The following MTMR7 variants were observed in gnomAD, a reference collection of about 807,000 sequenced individuals.
The protein encoded by MTMR7 is myotubularin related protein 7.
In MTMR7, 76 loss-of-function variants were observed where a neutral mutation model predicts 81.2. That is an observed-to-expected ratio of 0.94 (90% CI 0.78 to 1.13). The LOEUF (loss-of-function observed/expected upper bound fraction) is 1.13, where lower values mean the gene tolerates loss of function less well. Ranked by LOEUF, MTMR7 falls within the 50% of genes most tolerant of loss-of-function variation. The pLI, the probability that MTMR7 is intolerant of heterozygous loss-of-function variation, is 0.00. For missense variants in MTMR7, 1,044 were observed against 820.0 expected, an observed-to-expected ratio of 1.27 and a Z score of -3.34; for synonymous variants, 372 against 289.8, an observed-to-expected ratio of 1.28 and a Z score of -2.88.
chr8:17,344,115 A>G (rs771701502), intron 5 of MTMR7, among the ~76,000 whole-genome samples: 6 of 152,244 alleles, frequency 3.9e-5, no homozygotes, highest in African/African-American at 1.4e-4. Context: ...ATCATATACA[A>G]TAAGACCTAT....
Position 17,398,144 on chromosome 8 carries a change from A to C in MTMR7, c.24+15125T>G, listed in dbSNP as rs539135952. On this transcript the variant is annotated intron_variant, in intron 1 of 13. Coordinates refer to ENST00000180173, the MANE Select transcript of MTMR7 (RefSeq NM_004686.5). ...CTAACTCTTCAATGCCCAGGTACCAACAAACATCCACAAGCATCAAGACCA... is the reference window on the plus strand; with the variant it reads ...CTAACTCTTCAATGCCCAGGTACCACCAAACATCCACAAGCATCAAGACCA... Among the ~76,000 whole-genome samples the C allele has an allele frequency of 2.0e-5, 3 of 152,274 alleles. No individual in the cohort carries two copies. In the South Asian group the frequency reaches 6.2e-4, roughly 32 times the overall value.
At position 17,299,910 on chromosome 8, in the gene MTMR7, A is replaced by G. The variant is rs771535953; in HGVS notation, c.1935T>C (p.Asp645=). 1.8e-5 allele frequency: 29 copies of G among 1,613,984 alleles called. No individual in the cohort carries two copies. Among genetic ancestry groups the G allele is most frequent in the Non-Finnish European group, 2.2e-5 (26 of 1,180,004 alleles). ...PSGGEHAPSE[D]SGKDRDSDEA... ...CATCAGAATCCCGGTCCTTGCCACTATCTTCACTCGGTGCATGCTCACCAC... is the reference window on the plus strand; with the variant it reads ...CATCAGAATCCCGGTCCTTGCCACTGTCTTCACTCGGTGCATGCTCACCAC... Residue 645 remains aspartate, a synonymous_variant, in exon 14 of 14, where the codon GAT becomes GAC. Coordinates refer to ENST00000180173, the MANE Select transcript of MTMR7 (RefSeq NM_004686.5).
chr8:17,309,235 C>T (rs1482537091), intron 10 of MTMR7, 42 bp downstream of exon 10: 2 of 1,283,832 alleles, frequency 1.6e-6, no homozygotes, highest in African/African-American at 1.5e-5. Flanking sequence ...AGAAACAGTG[C>T]TTTTATTCTA....
chr8:17,376,669 C>T (rs540116837), intron 1 of MTMR7, among the ~76,000 whole-genome samples: 56 of 152,144 alleles, frequency 3.7e-4, no homozygotes, highest in Admixed American at 2.2e-3. Context: ...TTTGCACTTC[C>T]CTGATAGCTA....
chr8:17,321,026 T>C (rs1311802201), intron 7 of MTMR7, among the ~76,000 whole-genome samples: 1 of 152,166 alleles, frequency 6.6e-6, no homozygotes, highest in African/African-American at 2.4e-5. Flanking sequence ...GGCCAAACTT[T>C]CCAGTTGTTA....
intron 3 of MTMR7, among the ~76,000 whole-genome samples, chr8:17,365,841 T>C (rs1429671285): frequency 6.6e-6 from 1 of 152,218 alleles, no homozygotes; most frequent in Non-Finnish European, 1.5e-5. Flanking sequence ...AAAATGATAA[T>C]TTCTAAAATA....
chr8:17,334,288 C>G (rs943475889), intron 6 of MTMR7, among the ~76,000 whole-genome samples: 1 of 152,174 alleles, frequency 6.6e-6, no homozygotes, highest in Non-Finnish European at 1.5e-5. Flanking sequence ...TCAATGTTAT[C>G]TTGGACATTT....
chr8:17,304,656 C>T lies in MTMR7; in HGVS notation c.1353-137G>A, dbSNP rs1586138450. On this transcript the variant is annotated intron_variant, in intron 11 of 13. Transcript: ENST00000180173. ...TCTGTTCGATAGCAGGTAAATGTAT[C>T]ATCTTGGTGACTTCATGGTATAGAG... The T allele has an allele frequency of 3.6e-6, 3 of 822,376 alleles. 1 individual carries two copies. The South Asian group carries it at 5.3e-5, about 15-fold the overall frequency. The allele number at this position is 822,376 out of a possible 1,614,324, so 50.9% of individuals were successfully genotyped here. A position where few individuals can be genotyped will look rare whatever the true frequency, so the allele number is the denominator to read the frequency against.
At chr8:17,300,868 A>G (rs1817064830) in intron 13 of MTMR7, among the ~76,000 whole-genome samples, 1 of 152,236 alleles carries the variant, frequency 6.6e-6, no homozygotes, top group African/African-American at 2.4e-5. Context: ...ATGGAATCAT[A>G]CAACATGTGG....
At chr8:17,355,901 G>T (rs1199863087) in intron 4 of MTMR7, among the ~76,000 whole-genome samples, 1 of 152,124 alleles carries the variant, frequency 6.6e-6, no homozygotes, top group Non-Finnish European at 1.5e-5. Context: ...AATCAGTTTG[G>T]CTCAAAGTTA....
In MTMR7 at chr8:17,297,845, A is replaced by C. The variant is rs1241713130; in HGVS notation, c.*2017T>G. On this transcript the variant is annotated 3_prime_UTR_variant, in exon 14 of 14. Coordinates refer to ENST00000180173, the MANE Select transcript of MTMR7 (RefSeq NM_004686.5). ...TTATATAAATCTCAGTGCTAGGTTA[A>C]CTTCTAATAAGCAGACGAACATGTT... 6.9e-6 allele frequency: 1 copy of C among 144,608 alleles called. No homozygotes were observed. The highest frequency in any genetic ancestry group is 1.5e-5 in the Non-Finnish European group (1 of 66,512). The allele number at this position is 144,608 out of a possible 1,614,324, so 9.0% of individuals were successfully genotyped here. A position where few individuals can be genotyped will look rare whatever the true frequency, so the allele number is the denominator to read the frequency against.
intron 7 of MTMR7, among the ~76,000 whole-genome samples, chr8:17,325,305 C>G (rs1818626522): frequency 6.6e-6 from 1 of 152,168 alleles, no homozygotes; most frequent in Admixed American, 6.5e-5. Context: ...ACGACAACTC[C>G]AAGTGCTCTG....
intron 1 of MTMR7, among the ~76,000 whole-genome samples, chr8:17,397,765 C>A (rs1821306203): frequency 6.6e-6 from 1 of 152,124 alleles, no homozygotes; most frequent in Non-Finnish European, 1.5e-5. Context: ...GGATCCTGGG[C>A]AAGACCCAGT....
chr8:17,413,080 G>A (rs1284557241), intron 1 of MTMR7, among the ~76,000 whole-genome samples, 189 bp downstream of exon 1: 1 of 152,182 alleles, frequency 6.6e-6, no homozygotes, highest in Non-Finnish European at 1.5e-5. Flanking sequence ...CTAGGCCTGG[G>A]AGGCAGCAAG....
At chr8:17,407,630 G>A (rs1267144856) in intron 1 of MTMR7, among the ~76,000 whole-genome samples, 2 of 151,100 alleles carry the variant, frequency 1.3e-5, no homozygotes, top group Admixed American at 1.3e-4. Flanking sequence ...CCTTCTAAAA[G>A]TATGTTTTGA....
At chr8:17,363,359 G>A (rs1271102372) in intron 3 of MTMR7, among the ~76,000 whole-genome samples, 4 of 152,208 alleles carry the variant, frequency 2.6e-5, no homozygotes, top group African/African-American at 9.6e-5. Context: ...TGAATATGGG[G>A]TAATAATGGC....
At chr8:17,384,442 A>C (rs2150574223) in intron 1 of MTMR7, among the ~76,000 whole-genome samples, 1 of 152,270 alleles carries the variant, frequency 6.6e-6, no homozygotes, top group African/African-American at 2.4e-5. Flanking sequence ...ATTATTAACA[A>C]ACATATCCAT....
At chr8:17,301,830 T>C (rs189070121) in intron 13 of MTMR7, 102 of 380,706 alleles carry the variant, frequency 2.7e-4, no homozygotes, top group African/African-American at 1.9e-3. Context: ...TATTTGATTT[T>C]ATTCTGTTAC....
intron 3 of MTMR7, among the ~76,000 whole-genome samples, chr8:17,370,589 C>T (rs944303208): frequency 6.9e-6 from 1 of 145,360 alleles, no homozygotes; most frequent in African/African-American, 2.5e-5. Context: ...ACCAAAACCC[C>T]AAGAAACAAA....
Sources: allele counts gnomAD v4.1 joint callset (sites outside exome capture counted in the v4.1 genomes callset), GRCh38; gene constraint gnomAD v4.1.1; transcripts MANE v1.5; gene names NCBI Gene and HGNC (gene_info 2026-07-23, HGNC 2026-07-21).